CSMD1: variants seen among roughly 807,000 people sequenced by gnomAD.
CSMD1 encodes CUB and Sushi multiple domains 1.
A neutral mutation model predicts 417.5 loss-of-function variants in CSMD1; 213 were observed. That is an observed-to-expected ratio of 0.51 (90% CI 0.46 to 0.57). CSMD1 has a LOEUF of 0.57. Ranked by LOEUF, CSMD1 falls within the 20% of genes least tolerant of loss-of-function variation. CSMD1 has a pLI of 0.00. For missense variants in CSMD1, 6,923 were observed against 4,529.7 expected (o/e 1.53, Z -15.17); for synonymous variants, 2,862 against 1,736.8 (o/e 1.65, Z -16.11).
chr8:3,685,550 G>T (rs993061201), intron 7 of CSMD1, among the ~76,000 whole-genome samples: 2 of 152,126 alleles, frequency 1.3e-5, no homozygotes, highest in African/African-American at 4.8e-5. Flanking sequence ...GAAGAAAAAT[G>T]TAACAACGGG....
chr8:4,265,110 G>C (rs1400316132), intron 3 of CSMD1, among the ~76,000 whole-genome samples: 3 of 152,172 alleles, frequency 2.0e-5, no homozygotes, highest in African/African-American at 7.2e-5. Context: ...TTCAAATTAA[G>C]TTGAAAAACT....
chr8:4,190,619 G>C (rs1012621873), intron 3 of CSMD1, among the ~76,000 whole-genome samples: 7 of 151,554 alleles, frequency 4.6e-5, no homozygotes, highest in African/African-American at 1.2e-4. Flanking sequence ...AAGCTCAAAG[G>C]GGTTAAAGAA....
At chr8:3,081,362 A>T (rs185953507) in intron 49 of CSMD1, among the ~76,000 whole-genome samples, 197 of 152,356 alleles carry the variant, frequency 1.3e-3, no homozygotes, top group Non-Finnish European at 2.3e-3. Context: ...TGAGAAAAAA[A>T]TAGAATGTCA....
At chr8:3,786,260 G>A (rs762051639) in intron 5 of CSMD1, among the ~76,000 whole-genome samples, 1 of 152,240 alleles carries the variant, frequency 6.6e-6, no homozygotes, top group Non-Finnish European at 1.5e-5. Context: ...GTCAAGGCAA[G>A]AGTGGATACA....
At chr8:4,145,059 T>G (rs1471970674) in intron 3 of CSMD1, among the ~76,000 whole-genome samples, 1 of 151,224 alleles carries the variant, frequency 6.6e-6, no homozygotes, top group Non-Finnish European at 1.5e-5. Context: ...TTTAAATGTT[T>G]CTAAAATACA....
chr8:4,707,641 C>G (rs894867900), intron 1 of CSMD1, among the ~76,000 whole-genome samples: 1 of 151,970 alleles, frequency 6.6e-6, no homozygotes, highest in Non-Finnish European at 1.5e-5. Context: ...AATCCCAGCA[C>G]TTTGGGAGGC....
At chr8:3,421,971 C>T (rs770720632) in intron 12 of CSMD1, among the ~76,000 whole-genome samples, 3 of 151,974 alleles carry the variant, frequency 2.0e-5, no homozygotes, top group Non-Finnish European at 4.4e-5. Context: ...CCACCACAAC[C>T]GGCCCCACAG....
intron 3 of CSMD1, among the ~76,000 whole-genome samples, chr8:4,118,318 C>A (rs546265598): frequency 6.6e-6 from 1 of 151,146 alleles, no homozygotes; most frequent in African/African-American, 2.4e-5. Context: ...TTTACTGCAG[C>A]AAACTTAAAA....
intron 35 of CSMD1, among the ~76,000 whole-genome samples, 193 bp downstream of exon 35, chr8:3,188,694 G>C: frequency 8.8e-6 from 1 of 113,450 alleles, no homozygotes; most frequent in East Asian, 2.6e-4. Flanking sequence ...AAAATGGTTA[G>C]AAATATTTTG....
intron 1 of CSMD1, among the ~76,000 whole-genome samples, chr8:4,654,577 T>C (rs1750295530): frequency 6.6e-6 from 1 of 152,116 alleles, no homozygotes; most frequent in South Asian, 2.1e-4. Context: ...GATGTTGGTC[T>C]AATCCAGAGT....
chr8:4,685,555 G>A (rs1039565987), intron 1 of CSMD1, among the ~76,000 whole-genome samples: 23 of 152,128 alleles, frequency 1.5e-4, no homozygotes, highest in African/African-American at 5.3e-4. Flanking sequence ...CAGCCTGGGT[G>A]ACAGAATGAG....
chr8:3,550,083 A>G (rs1798843005), intron 10 of CSMD1, among the ~76,000 whole-genome samples: 1 of 152,164 alleles, frequency 6.6e-6, no homozygotes, highest in African/African-American at 2.4e-5. Flanking sequence ...GGCAAGAAAA[A>G]AGAAAGCAAA....
At chr8:3,219,739 G>C (rs756116413) in intron 28 of CSMD1, among the ~76,000 whole-genome samples, 1 of 152,018 alleles carries the variant, frequency 6.6e-6, no homozygotes, top group Non-Finnish European at 1.5e-5. Flanking sequence ...TATCCTTTCC[G>C]TGTACTCATT....
At position 4,267,997 on chromosome 8, in the gene CSMD1, G is replaced by A. The variant is rs188374608; in HGVS notation, c.415+151956C>T. Reference sequence around the variant, plus strand: ...GAGTCAGTACAAGTGAGATGGTGGAGGGGAGCAGATAGGAATAAGACATAT... The same window carrying A: ...GAGTCAGTACAAGTGAGATGGTGGAAGGGAGCAGATAGGAATAAGACATAT... On this transcript the variant is annotated intron_variant, in intron 3 of 69. Transcript: ENST00000635120. 3.2e-4 allele frequency among the ~76,000 whole-genome samples: 48 copies of A among 152,176 alleles called. No homozygotes were observed. In the East Asian group the frequency reaches 3.7e-3, roughly 12 times the overall value.
intron 3 of CSMD1, among the ~76,000 whole-genome samples, chr8:4,146,360 C>A (rs1268398562): frequency 6.6e-6 from 1 of 150,640 alleles, no homozygotes; most frequent in Non-Finnish European, 1.5e-5. Context: ...AGCTTCAGCC[C>A]AACATCGACT....
intron 2 of CSMD1, among the ~76,000 whole-genome samples, chr8:4,449,620 G>T (rs185874379): frequency 6.6e-6 from 1 of 152,136 alleles, no homozygotes; most frequent in Non-Finnish European, 1.5e-5. Context: ...GCTGTAGCCA[G>T]AATACATCTT....
At chr8:3,268,784 T>G (rs888554113) in intron 26 of CSMD1, among the ~76,000 whole-genome samples, 1 of 152,148 alleles carries the variant, frequency 6.6e-6, no homozygotes, top group African/African-American at 2.4e-5. Flanking sequence ...AGTTTGAGAC[T>G]TATCAGAAAA....
intron 1 of CSMD1, among the ~76,000 whole-genome samples, chr8:4,696,456 G>A (rs924236334): frequency 6.6e-6 from 1 of 152,094 alleles, no homozygotes; most frequent in Non-Finnish European, 1.5e-5. Flanking sequence ...AATTACATTT[G>A]TTTATTAAAG....
intron 3 of CSMD1, among the ~76,000 whole-genome samples, chr8:4,396,900 G>T (rs1399514222): frequency 6.6e-6 from 1 of 151,960 alleles, no homozygotes; most frequent in Non-Finnish European, 1.5e-5. Flanking sequence ...GAGGCAGATG[G>T]GAAACAAAAG....
Sources: allele counts gnomAD v4.1 joint callset (sites outside exome capture counted in the v4.1 genomes callset), GRCh38; gene constraint gnomAD v4.1.1; transcripts MANE v1.5; gene names NCBI Gene and HGNC (gene_info 2026-07-23, HGNC 2026-07-21).